COL23A1: variants seen among roughly 807,000 people sequenced by gnomAD.
The protein encoded by COL23A1 is collagen type XXIII alpha 1 chain.
COL23A1 carries 97 observed loss-of-function variants against 99.3 expected under a neutral mutation model. That is an observed-to-expected ratio of 0.98 (90% CI 0.83 to 1.16). The LOEUF (loss-of-function observed/expected upper bound fraction) is 1.16, where lower values mean the gene tolerates loss of function less well. Among genes scored for constraint, COL23A1 ranks in the 50% most tolerant of loss-of-function variants. COL23A1 has a pLI of 0.00. For synonymous variants in COL23A1, 320 were observed against 308.2 expected, an observed-to-expected ratio of 1.04 and a Z score of -0.40; for missense variants, 762 against 757.4, an observed-to-expected ratio of 1.01 and a Z score of -0.07.
chr5:178,367,718 A>G (rs1360103826), intron 2 of COL23A1, among the ~76,000 whole-genome samples: 1 of 152,218 alleles, frequency 6.6e-6, no homozygotes, highest in African/African-American at 2.4e-5. Flanking sequence ...TCTTTCTAGC[A>G]TATCATCCAA....
At chr5:178,405,874 G>A (rs561461192) in intron 2 of COL23A1, among the ~76,000 whole-genome samples, 9 of 152,094 alleles carry the variant, frequency 5.9e-5, no homozygotes, top group Admixed American at 2.6e-4. Context: ...AGGTCAAGGC[G>A]GGTGGATCAC....
intron 2 of COL23A1, among the ~76,000 whole-genome samples, chr5:178,364,062 G>T (rs1005021554): frequency 6.6e-5 from 10 of 152,208 alleles, no homozygotes; most frequent in African/African-American, 2.2e-4. Flanking sequence ...GGCACCAGTG[G>T]TCTGGCTACC....
At chr5:178,519,065 G>A (rs1454306675) in intron 2 of COL23A1, among the ~76,000 whole-genome samples, 1 of 151,308 alleles carries the variant, frequency 6.6e-6, no homozygotes, top group African/African-American at 2.4e-5. Context: ...ACCACCCGCG[G>A]CCACCATGGC....
intron 2 of COL23A1, among the ~76,000 whole-genome samples, chr5:178,429,315 C>A (rs114364725): frequency 6.6e-6 from 1 of 152,184 alleles, no homozygotes; most frequent in Non-Finnish European, 1.5e-5. Flanking sequence ...CCACACCCCA[C>A]GAGCGAAGGG....
intron 2 of COL23A1, among the ~76,000 whole-genome samples, chr5:178,445,756 A>C (rs1053662671): frequency 3.3e-5 from 5 of 152,148 alleles, no homozygotes. Flanking sequence ...AGGGCAAAGA[A>C]TCTTTCCAGG....
intron 2 of COL23A1, among the ~76,000 whole-genome samples, chr5:178,454,161 G>T (rs6867956): frequency 2.0e-5 from 3 of 151,826 alleles, no homozygotes; most frequent in Non-Finnish European, 4.4e-5. Flanking sequence ...AGTTAAAAGG[G>T]CTGTTTTCTA....
At chr5:178,581,793 G>T (rs1173927745) in intron 1 of COL23A1, among the ~76,000 whole-genome samples, 3 of 151,970 alleles carry the variant, frequency 2.0e-5, no homozygotes, top group Non-Finnish European at 2.9e-5. Flanking sequence ...TGGGATATAC[G>T]GTACAGTCAT....
chr5:178,491,870 G>A (rs1757953065), intron 2 of COL23A1, among the ~76,000 whole-genome samples: 1 of 152,248 alleles, frequency 6.6e-6, no homozygotes, highest in Non-Finnish European at 1.5e-5. Flanking sequence ...GAGTAGCTGG[G>A]ATTACAGGCA....
intron 2 of COL23A1, among the ~76,000 whole-genome samples, chr5:178,490,154 A>G (rs893988007): frequency 2.0e-5 from 3 of 150,582 alleles, no homozygotes; most frequent in African/African-American, 7.4e-5. Context: ...TGAACCTGGG[A>G]GGCAGAGGTT....
In COL23A1 at chr5:178,450,324, C is replaced by G. The variant is rs76765801; in HGVS notation, c.361+110358G>C. Among the ~76,000 whole-genome samples, 618 of 152,270 alleles carry G rather than the reference C, an allele frequency of 4.1e-3. 7 individuals carry two copies. The highest frequency in any genetic ancestry group is 0.014 in the African/African-American group (576 of 41,556). On this transcript the variant is annotated intron_variant, in intron 2 of 28. Coordinates refer to ENST00000390654, the MANE Select transcript of COL23A1 (RefSeq NM_173465.4). ...ATAAGCCTTCCTGGTCCCACATTCCCTTGCAGTTGGCGGAACAGATGGGAG... is the reference window on the plus strand; with the variant it reads ...ATAAGCCTTCCTGGTCCCACATTCCGTTGCAGTTGGCGGAACAGATGGGAG...
At chr5:178,403,548 G>A (rs1764586914) in intron 2 of COL23A1, among the ~76,000 whole-genome samples, 1 of 152,206 alleles carries the variant, frequency 6.6e-6, no homozygotes. Flanking sequence ...CACCTGTCCT[G>A]AGCCCCAGCC....
chr5:178,453,675 C>T (rs1396830089), intron 2 of COL23A1, among the ~76,000 whole-genome samples: 4 of 152,136 alleles, frequency 2.6e-5, no homozygotes, highest in Non-Finnish European at 4.4e-5. Context: ...TTCAGTCAAC[C>T]AGCTCTCCAC....
At chr5:178,379,719 T>C (rs1378934952) in intron 2 of COL23A1, among the ~76,000 whole-genome samples, 6 of 151,744 alleles carry the variant, frequency 4.0e-5, no homozygotes, top group African/African-American at 1.5e-4. Flanking sequence ...TTGTCTCTAC[T>C]AAAAATACAA....
chr5:178,246,046 T>A, intron 24 of COL23A1, 78 bp from the exon 25 acceptor site: 1 of 1,543,262 alleles, frequency 6.5e-7, no homozygotes, highest in Non-Finnish European at 9.0e-7. Flanking sequence ...TCCAGCCCTG[T>A]GGGTTGGCCA....
In COL23A1 at chr5:178,254,801, T is replaced by A. The variant is rs959240598; in HGVS notation, c.960+148A>T. On this transcript the variant is annotated intron_variant, in intron 16 of 28. Coordinates refer to ENST00000390654, the MANE Select transcript of COL23A1 (RefSeq NM_173465.4). ...TCTCAACATAGCCCTGATTTCCACA[T>A]TGGGTGCCTAGTAACAGCCGGGGTC... The A allele has an allele frequency of 1.9e-5, 13 of 680,208 alleles. No homozygotes were observed. The African/African-American group carries it at 2.2e-4, about 11-fold the overall frequency. The allele number at this position is 680,208 out of a possible 1,614,324, so 42.1% of individuals were successfully genotyped here. A position where few individuals can be genotyped will look rare whatever the true frequency, so the allele number is the denominator to read the frequency against.
chr5:178,525,090 A>AGTG (rs1760241757), intron 2 of COL23A1, among the ~76,000 whole-genome samples: 1 of 137,818 alleles, frequency 7.3e-6, no homozygotes, highest in Non-Finnish European at 1.6e-5. Context: ...GGCTAAGCTC[A>AGTG]CATGGCTGGT....
rs12332451 is a variant in COL23A1, at chr5:178,441,542, C to T, written c.361+119140G>A. ...GGCGCACAGGGGCTTGCTGATGAAG[C>T]TGACCCCAAATTATAAAGACAGAGA... is the stretch of plus-strand genomic sequence containing the variant. On this transcript the variant is annotated intron_variant, in intron 2 of 28. Coordinates refer to ENST00000390654, the MANE Select transcript of COL23A1 (RefSeq NM_173465.4). 9.3e-4 allele frequency among the ~76,000 whole-genome samples: 142 copies of T among 152,158 alleles called. 1 individual carries two copies. Among genetic ancestry groups the T allele is most frequent in the African/African-American group, 3.3e-3 (135 of 41,504 alleles).
rs973995938 is a variant in COL23A1 at position 178,246,092 on chromosome 5, G to A, written c.1414-124C>T. ...GGCAAGGAGACCCACCAACCACGCA[G>A]GCATAGATGGAGGCCAGGACAGACC... On this transcript the variant is annotated intron_variant, in intron 24 of 28. Coordinates refer to ENST00000390654, the MANE Select transcript of COL23A1 (RefSeq NM_173465.4). 6.0e-6 allele frequency: 8 copies of A among 1,327,518 alleles called. No individual in the cohort carries two copies. In the South Asian group the frequency reaches 9.5e-5, roughly 16 times the overall value. The allele number at this position is 1,327,518 out of a possible 1,614,324, so 82.2% of individuals were successfully genotyped here.
intron 2 of COL23A1, among the ~76,000 whole-genome samples, chr5:178,382,333 G>C (rs763151868): frequency 6.6e-6 from 1 of 152,184 alleles, no homozygotes; most frequent in Non-Finnish European, 1.5e-5. Flanking sequence ...GTTTGTTTCC[G>C]AATCAGGTTC....
Sources: gnomAD v4.1 joint callset for allele counts (sites outside exome capture counted in the v4.1 genomes callset) on GRCh38, gnomAD v4.1.1 for gene constraint, MANE v1.5 for transcripts, NCBI Gene and HGNC (gene_info 2026-07-23, HGNC 2026-07-21) for gene names.